MYO3B: variants seen among roughly 807,000 people sequenced by gnomAD.
MYO3B encodes the protein myosin-IIIb.
MYO3B carries 156 observed loss-of-function variants against 174.6 expected under a neutral mutation model. The observed-to-expected ratio is 0.89, with a 90% CI of 0.78 to 1.02. The LOEUF (loss-of-function observed/expected upper bound fraction) is 1.02. Ranked by LOEUF, MYO3B falls within the 50% of genes least tolerant of loss-of-function variation. MYO3B has a pLI of 0.00. For synonymous variants in MYO3B, 563 were observed against 569.1 expected, an observed-to-expected ratio of 0.99 and a Z score of 0.15; for missense variants, 1,632 against 1,639.4, an observed-to-expected ratio of 1.00 and a Z score of 0.08.
At chr2:170,247,984 T>C (rs1040192522) in intron 7 of MYO3B, among the ~76,000 whole-genome samples, 1 of 152,128 alleles carries the variant, frequency 6.6e-6, no homozygotes, top group African/African-American at 2.4e-5. Context: ...ATCTGAACCT[T>C]CAGCTTTTGC....
chr2:170,189,575 TC>T lies in MYO3B; in HGVS notation c.3-9632del. On this transcript the variant is annotated intron_variant, in intron 1 of 34. Coordinates refer to ENST00000408978, the MANE Select transcript of MYO3B (RefSeq NM_138995.5). ...ATTTTCAAATAGCCTGTCTTCAAGCTCACTCATTCTTTCTTCTGCTTGATCA... is the reference window on the plus strand; with the variant it reads ...ATTTTCAAATAGCCTGTCTTCAAGCTACTCATTCTTTCTTCTGCTTGATCA... Among the ~76,000 whole-genome samples, 3 of 152,132 alleles carry T rather than the reference TC, an allele frequency of 2.0e-5. No homozygotes were observed. In the Middle Eastern group the frequency reaches 0.01, roughly 517 times the overall value.
chr2:170,376,001 C>T (rs904487157), intron 9 of MYO3B, among the ~76,000 whole-genome samples: 1 of 151,898 alleles, frequency 6.6e-6, no homozygotes, highest in South Asian at 2.1e-4. Context: ...TGATTCTTGC[C>T]GCTTAGAGAA....
chr2:170,473,988 C>T (rs912566044), intron 25 of MYO3B, among the ~76,000 whole-genome samples: 2 of 152,192 alleles, frequency 1.3e-5, no homozygotes, highest in Admixed American at 1.3e-4. Flanking sequence ...GTAACTGAAA[C>T]TCAAACTAGT....
At chr2:170,261,126 C>A (rs2093342693) in intron 7 of MYO3B, among the ~76,000 whole-genome samples, 1 of 152,128 alleles carries the variant, frequency 6.6e-6, no homozygotes, top group Non-Finnish European at 1.5e-5. Flanking sequence ...CGGGTTCAAG[C>A]AATTCTCCTG....
At chr2:170,430,631 A>G (rs1574967841) in intron 22 of MYO3B, among the ~76,000 whole-genome samples, 2 of 152,120 alleles carry the variant, frequency 1.3e-5, no homozygotes, top group East Asian at 1.9e-4. Context: ...CGGCCTCCCA[A>G]AGTGCTGGGA....
intron 7 of MYO3B, among the ~76,000 whole-genome samples, chr2:170,264,127 C>T (rs576822155): frequency 2.6e-5 from 4 of 152,202 alleles, no homozygotes; most frequent in Non-Finnish European, 5.9e-5. Context: ...CATGTCTCTG[C>T]GAGCACAGGG....
chr2:170,420,918 G>T (rs1158329126), intron 22 of MYO3B, among the ~76,000 whole-genome samples: 1 of 151,840 alleles, frequency 6.6e-6, no homozygotes, highest in African/African-American at 2.4e-5. Context: ...ACATTTTTGT[G>T]TTCAAAACTC....
chr2:170,195,721 G>C (rs1290860664), intron 1 of MYO3B, among the ~76,000 whole-genome samples: 2 of 152,104 alleles, frequency 1.3e-5, no homozygotes, highest in Non-Finnish European at 2.9e-5. Flanking sequence ...CATGAGTCTG[G>C]AGCCCCCAAG....
intron 32 of MYO3B, among the ~76,000 whole-genome samples, chr2:170,605,144 C>G (rs962187066): frequency 1.3e-5 from 2 of 152,168 alleles, no homozygotes; most frequent in Non-Finnish European, 2.9e-5. Context: ...CTGTCCTTTT[C>G]TCATTCCGCC....
At chr2:170,361,478 A>C (rs1452379642) in intron 8 of MYO3B, among the ~76,000 whole-genome samples, 1 of 152,228 alleles carries the variant, frequency 6.6e-6, no homozygotes, top group Non-Finnish European at 1.5e-5. Context: ...TCGGACACAA[A>C]ATTGACATCT....
chr2:170,597,571 T>A (rs1357056633), intron 32 of MYO3B, among the ~76,000 whole-genome samples: 4 of 152,064 alleles, frequency 2.6e-5, no homozygotes, highest in Admixed American at 2.6e-4. Context: ...TATGATTCCC[T>A]GACTTCCTTC....
At chr2:170,349,217 A>T (rs2094041362) in intron 8 of MYO3B, among the ~76,000 whole-genome samples, 1 of 152,160 alleles carries the variant, frequency 6.6e-6, no homozygotes, top group African/African-American at 2.4e-5. Flanking sequence ...TGACTTCCCC[A>T]GGAGGACTCA....
intron 6 of MYO3B, among the ~76,000 whole-genome samples, chr2:170,218,359 TA>T (rs2092853714): frequency 6.6e-6 from 1 of 152,162 alleles, no homozygotes; most frequent in Admixed American, 6.5e-5. Context: ...AACATAAAAC[TA>T]GATATAAACT....
intron 7 of MYO3B, among the ~76,000 whole-genome samples, chr2:170,272,852 G>GTACA (rs2093435301): frequency 6.6e-6 from 1 of 152,188 alleles, no homozygotes; most frequent in Non-Finnish European, 1.5e-5. Flanking sequence ...AGTTTTGTAC[G>GTACA]TCTCAATCTT....
At chr2:170,373,324 A>T (rs2094262258) in intron 9 of MYO3B, among the ~76,000 whole-genome samples, 1 of 152,208 alleles carries the variant, frequency 6.6e-6, no homozygotes, top group Non-Finnish European at 1.5e-5. Context: ...AATGCCAAGT[A>T]CTTCCAGATA....
At position 170,196,326 on chromosome 2, in the gene MYO3B, G is replaced by A. The variant is rs146012821; in HGVS notation, c.3-2882G>A. 4.6e-5 allele frequency among the ~76,000 whole-genome samples: 7 copies of A among 152,234 alleles called. No homozygotes were observed. The East Asian group carries it at 1.4e-3, about 29-fold the overall frequency. On this transcript the variant is annotated intron_variant, in intron 1 of 34. Transcript: ENST00000408978. ...GTTTGAGACTAGCGTGGGCAACACG[G>A]CAAGACCCTGTCTTTACTCTCCACC...
intron 32 of MYO3B, among the ~76,000 whole-genome samples, chr2:170,587,368 G>A (rs542486258): frequency 6.6e-6 from 1 of 152,100 alleles, no homozygotes; most frequent in African/African-American, 2.4e-5. Flanking sequence ...GTTCATTATG[G>A]CCCCTAAGTG....
At chr2:170,508,766 A>C (rs551309411) in intron 28 of MYO3B, among the ~76,000 whole-genome samples, 4 of 152,228 alleles carry the variant, frequency 2.6e-5, no homozygotes, top group African/African-American at 9.6e-5. Flanking sequence ...AGAGTCAAAC[A>C]ATGAATGTTA....
chr2:170,473,111 A>G (rs1403883780), intron 25 of MYO3B, among the ~76,000 whole-genome samples: 3 of 97,860 alleles, frequency 3.1e-5, no homozygotes, highest in Non-Finnish European at 4.8e-5. Context: ...TTTCATCACT[A>G]TTTTCTTTTT....
Sources: allele counts gnomAD v4.1 joint callset (sites outside exome capture counted in the v4.1 genomes callset), GRCh38; gene constraint gnomAD v4.1.1; transcripts MANE v1.5; gene names NCBI Gene and HGNC (gene_info 2026-07-23, HGNC 2026-07-21).